AFAP1L1: variants seen among roughly 807,000 people sequenced by gnomAD.
AFAP1L1 encodes the protein actin filament associated protein 1 like 1.
Under a neutral mutation model 99.8 loss-of-function variants are expected in AFAP1L1, and 77 were observed. The observed-to-expected ratio is 0.77, with a 90% CI of 0.64 to 0.93. The LOEUF (loss-of-function observed/expected upper bound fraction) is 0.93, where lower values mean the gene tolerates loss of function less well. AFAP1L1 is among the 40% of genes least tolerant of loss of function. The pLI is 0.00. For synonymous variants in AFAP1L1, 373 were observed against 395.3 expected, an observed-to-expected ratio of 0.94 and a Z score of 0.67; for missense variants, 893 against 996.8, an observed-to-expected ratio of 0.90 and a Z score of 1.40.
intron 1 of AFAP1L1, among the ~76,000 whole-genome samples, chr5:149,286,488 A>G (rs1383132263): frequency 2.0e-5 from 3 of 152,238 alleles, no homozygotes; most frequent in Admixed American, 6.5e-5. Flanking sequence ...CTATTAGTGT[A>G]GCCTGTGGCA....
At chr5:149,336,833 A>T (rs919938166) in intron 18 of AFAP1L1, among the ~76,000 whole-genome samples, 1 of 152,242 alleles carries the variant, frequency 6.6e-6, no homozygotes, top group Non-Finnish European at 1.5e-5. Flanking sequence ...TAGGGATTAA[A>T]TTTCAACATC....
intron 5 of AFAP1L1, among the ~76,000 whole-genome samples, chr5:149,304,607 C>A (rs962489392): frequency 2.0e-5 from 3 of 152,162 alleles, no homozygotes; most frequent in Admixed American, 1.3e-4. Flanking sequence ...GAACCTTGTG[C>A]AGGGAGAGCA....
At chr5:149,312,066 A>G (rs748703166) in intron 8 of AFAP1L1, 46 bp from the exon 9 acceptor site, 6 of 1,568,648 alleles carry the variant, frequency 3.8e-6, no homozygotes, top group Admixed American at 3.4e-5. Flanking sequence ...CTTTGCATCA[A>G]CAGCTTCCCT....
Position 149,319,645 on chromosome 5 carries a change from G to A in AFAP1L1, c.1543G>A (p.Val515Ile), listed in dbSNP as rs144869609. The A allele has an allele frequency of 9.2e-5, 149 of 1,613,158 alleles. No individual in the cohort carries two copies. The African/African-American group carries it at 1.6e-3, about 17-fold the overall frequency. Residue 515 changes from valine to isoleucine, a missense_variant, in exon 13 of 19, where the codon GTC becomes ATC. Val to Ile is a conservative substitution (Grantham distance 29, BLOSUM62 3). Transcript: ENST00000296721. ...GLLLVEMGSR[V>I]TPEALHYDYV... ...GCTGCTGGTGGAGATGGGCTCCAGA[G>A]TCACTCCGGAGGCGCTGCACTATGA...
chr5:149,327,053 C>T (rs1402679148), intron 15 of AFAP1L1, among the ~76,000 whole-genome samples: 1 of 151,738 alleles, frequency 6.6e-6, no homozygotes, highest in African/African-American at 2.4e-5. Context: ...TTATGACACA[C>T]ATGAAGAAGC....
Position 149,271,942 on chromosome 5 carries a change from C to T in AFAP1L1, c.-27C>T, listed in dbSNP as rs1227014038. The T allele has an allele frequency of 7.3e-6, 9 of 1,228,558 alleles. No individual in the cohort carries two copies. Among genetic ancestry groups the T allele is most frequent in the Admixed American group, 4.3e-5 (1 of 23,440 alleles). 76.1% of individuals were successfully genotyped at this position (1,228,558 alleles called of 1,614,324 possible). On this transcript the variant is annotated 5_prime_UTR_variant, in exon 1 of 19. Coordinates refer to ENST00000296721, the MANE Select transcript of AFAP1L1 (RefSeq NM_152406.4). ...CGCCGGAGCCCCTGCGCCCTGCGGC[C>T]CGCTCCCCGGGGACCGGGCCGGCGC...
chr5:149,279,232 A>T (rs1455726910), intron 1 of AFAP1L1, among the ~76,000 whole-genome samples: 3 of 152,364 alleles, frequency 2.0e-5, no homozygotes, highest in South Asian at 2.1e-4. Flanking sequence ...GAAGGAGATT[A>T]AACAGAGGCC....
intron 1 of AFAP1L1, among the ~76,000 whole-genome samples, chr5:149,290,261 C>T (rs1228091170): frequency 6.6e-6 from 1 of 152,146 alleles, no homozygotes; most frequent in Non-Finnish European, 1.5e-5. Context: ...ATAAATAATA[C>T]ATGTAAATCA....
At chr5:149,329,057 GAGTT>G (rs1757176673) in intron 15 of AFAP1L1, among the ~76,000 whole-genome samples, 1 of 152,018 alleles carries the variant, frequency 6.6e-6, no homozygotes, top group African/African-American at 2.4e-5. Context: ...CTGGAGATCT[GAGTT>G]ACATGGAACA....
At chr5:149,321,806 G>A (rs963529773) in intron 14 of AFAP1L1, among the ~76,000 whole-genome samples, 11 of 151,594 alleles carry the variant, frequency 7.3e-5, no homozygotes, top group Admixed American at 1.3e-4. Context: ...ATAGGAAGCT[G>A]AGGTGGGTGG....
intron 1 of AFAP1L1, among the ~76,000 whole-genome samples, chr5:149,287,107 C>G (rs1755706612): frequency 6.6e-6 from 1 of 151,998 alleles, no homozygotes; most frequent in South Asian, 2.1e-4. Context: ...AATATTCCTA[C>G]AATGGAATAG....
chr5:149,319,818 G>C (rs1756902286), intron 13 of AFAP1L1, 91 bp downstream of exon 13: 1 of 1,526,398 alleles, frequency 6.6e-7, no homozygotes, highest in Non-Finnish European at 8.8e-7. Context: ...GCACTGGGAG[G>C]GAAGGGAGGA....
chr5:149,329,799 G>C lies in AFAP1L1; in HGVS notation c.1944G>C (p.Arg648Ser). ...TELIALRQEKRELKEAIRSSP... is the reference protein window; with the variant it reads ...TELIALRQEKSELKEAIRSSP... ...TGATAGCACTGAGACAGGAGAAGAG[G>C]GAACTGAAGGAAGCCATTCGGAGCA... is the stretch of plus-strand genomic sequence containing the variant. The change falls in exon 16 of 19, where the codon AGG (arginine) becomes AGC (serine). Residue 648 changes from arginine (R) to serine (S), a missense_variant. Transcript: ENST00000296721. 1 of 1,612,852 alleles carries C rather than the reference G, an allele frequency of 6.2e-7. No individual in the cohort carries two copies. The highest frequency in any genetic ancestry group is 2.2e-5 in the East Asian group (1 of 44,866).
At chr5:149,339,017 A>G (rs1312844798) in intron 18 of AFAP1L1, among the ~76,000 whole-genome samples, 1 of 152,210 alleles carries the variant, frequency 6.6e-6, no homozygotes, top group African/African-American at 2.4e-5. Context: ...CATCTAGAGC[A>G]GCAGTCAGCA....
chr5:149,337,763 CAT>C (rs201246624), intron 18 of AFAP1L1, among the ~76,000 whole-genome samples: 1 of 151,798 alleles, frequency 6.6e-6, no homozygotes, highest in African/African-American at 2.4e-5. Flanking sequence ...CAAATATATA[CAT>C]ATATATATAC....
At chr5:149,299,038 G>T (rs1756102406) in intron 1 of AFAP1L1, among the ~76,000 whole-genome samples, 1 of 152,250 alleles carries the variant, frequency 6.6e-6, no homozygotes, top group Non-Finnish European at 1.5e-5. Context: ...AGGTTCCAGA[G>T]ATTGAAGCAC....
At chr5:149,289,707 CTG>C (rs1023352078) in intron 1 of AFAP1L1, among the ~76,000 whole-genome samples, 4 of 152,174 alleles carry the variant, frequency 2.6e-5, no homozygotes, top group African/African-American at 9.7e-5. Context: ...TTGGAAGAGT[CTG>C]TGGGCAGGGG....
chr5:149,301,445 T>A (rs1452508802), intron 4 of AFAP1L1, among the ~76,000 whole-genome samples: 2 of 152,198 alleles, frequency 1.3e-5, no homozygotes, highest in Non-Finnish European at 2.9e-5. Context: ...TTTTTATTTT[T>A]ATTCTTTATT....
chr5:149,312,313 C>T (rs745937102), intron 9 of AFAP1L1, 109 bp downstream of exon 9: 1 of 1,016,956 alleles, frequency 9.8e-7, no homozygotes, highest in East Asian at 2.4e-5. Context: ...AACTGCCAAA[C>T]TGTAGGTGCC....
Sources: allele counts gnomAD v4.1 joint callset (sites outside exome capture counted in the v4.1 genomes callset), GRCh38; gene constraint gnomAD v4.1.1; transcripts MANE v1.5; gene names NCBI Gene and HGNC (gene_info 2026-07-23, HGNC 2026-07-21).